The following LUZP2 variants were observed in gnomAD, a reference collection of about 807,000 sequenced individuals.
LUZP2 encodes leucine zipper protein 2.
LUZP2 carries 52 observed loss-of-function variants against 51.6 expected under a neutral mutation model. The observed-to-expected ratio is 1.01, with a 90% CI of 0.81 to 1.27. LUZP2 has a LOEUF of 1.27. Ranked by LOEUF, LUZP2 falls within the 50% of genes most tolerant of loss-of-function variation. The pLI, the probability that LUZP2 is intolerant of heterozygous loss-of-function variation, is 0.00. For synonymous variants in LUZP2, 154 were observed against 137.3 expected, an observed-to-expected ratio of 1.12 and a Z score of -0.85; for missense variants, 436 against 395.4, an observed-to-expected ratio of 1.10 and a Z score of -0.87.
intron 5 of LUZP2, among the ~76,000 whole-genome samples, chr11:24,847,401 C>T (rs1452768445): frequency 6.6e-6 from 1 of 152,104 alleles, no homozygotes; most frequent in Non-Finnish European, 1.5e-5. Context: ...TTACAGTATA[C>T]AGACATTTCG....
chr11:25,074,087 C>T (rs971365204), intron 10 of LUZP2, among the ~76,000 whole-genome samples: 2 of 152,126 alleles, frequency 1.3e-5, no homozygotes, highest in Non-Finnish European at 2.9e-5. Context: ...TATACTACAA[C>T]ATTGGAAATG....
At chr11:24,501,062 A>G (rs1338115572) in intron 1 of LUZP2, among the ~76,000 whole-genome samples, 1 of 152,192 alleles carries the variant, frequency 6.6e-6, no homozygotes, top group Non-Finnish European at 1.5e-5. Flanking sequence ...AAATATTTTG[A>G]GGCAACATGG....
At chr11:24,685,263 A>C (rs1856863822) in intron 1 of LUZP2, among the ~76,000 whole-genome samples, 1 of 152,102 alleles carries the variant, frequency 6.6e-6, no homozygotes, top group African/African-American at 2.4e-5. Flanking sequence ...TTTTCTTTTG[A>C]AAAGCACTTT....
chr11:24,673,540 A>G (rs1856462248), intron 1 of LUZP2, among the ~76,000 whole-genome samples: 1 of 152,186 alleles, frequency 6.6e-6, no homozygotes, highest in Non-Finnish European at 1.5e-5. Context: ...TGTATTTGTA[A>G]TTTAGAAGAC....
At chr11:24,539,856 T>G (rs115940329) in intron 1 of LUZP2, among the ~76,000 whole-genome samples, 2,924 of 152,210 alleles carry the variant, frequency 0.019, 113 homozygotes, top group African/African-American at 0.066. Context: ...TAAATATGTT[T>G]AGAGCTGTAT....
intron 9 of LUZP2, among the ~76,000 whole-genome samples, chr11:25,006,581 T>C (rs551652845): frequency 1.3e-4 from 20 of 152,254 alleles, no homozygotes; most frequent in Non-Finnish European, 2.6e-4. Context: ...GCCACACTAG[T>C]CGCTTTTAAC....
chr11:24,873,129 C>T (rs897672443), intron 5 of LUZP2, among the ~76,000 whole-genome samples: 5 of 152,122 alleles, frequency 3.3e-5, no homozygotes, highest in Non-Finnish European at 7.4e-5. Flanking sequence ...GACTCTAATG[C>T]TTTCAAACCC....
At chr11:24,973,158 G>T (rs970328739) in intron 7 of LUZP2, among the ~76,000 whole-genome samples, 1 of 149,404 alleles carries the variant, frequency 6.7e-6, no homozygotes, top group Non-Finnish European at 1.5e-5. Flanking sequence ...TTTCTTCCTG[G>T]TTCAGTCTTG....
At chr11:24,529,010 C>T (rs1028542574) in intron 1 of LUZP2, among the ~76,000 whole-genome samples, 23 of 150,958 alleles carry the variant, frequency 1.5e-4, no homozygotes, top group South Asian at 4.2e-4. Flanking sequence ...TTAGATTTAG[C>T]GCAAAACCTA....
rs1853316164 is a variant in LUZP2, at chr11:24,902,646, T to TGAGAAATCAGTGTGAGAAGCA, written c.397-3338_397-3318dup. Among the ~76,000 whole-genome samples, 5 of 152,174 alleles carry TGAGAAATCAGTGTGAGAAGCA rather than the reference T, an allele frequency of 3.3e-5. No homozygotes were observed. In the South Asian group the frequency reaches 1.0e-3, roughly 31 times the overall value. On this transcript the variant is annotated intron_variant, in intron 5 of 11. Transcript: ENST00000336930. Reference sequence around the variant, plus strand: ...CAAGTAATTAAGGAATAGTCTATTCTGAGAAATCAGTGTGAGAAGCAGAGA... The same window carrying TGAGAAATCAGTGTGAGAAGCA: ...CAAGTAATTAAGGAATAGTCTATTCTGAGAAATCAGTGTGAGAAGCAGAGAAATCAGTGTGAGAAGCAGAGA...
intron 1 of LUZP2, among the ~76,000 whole-genome samples, chr11:24,631,934 A>G (rs1221236009): frequency 6.6e-6 from 1 of 152,046 alleles, no homozygotes; most frequent in Non-Finnish European, 1.5e-5. Flanking sequence ...AATATAATGT[A>G]CCAATTACCA....
intron 5 of LUZP2, among the ~76,000 whole-genome samples, chr11:24,826,944 C>A (rs534612736): frequency 1.8e-4 from 27 of 151,852 alleles, no homozygotes; most frequent in African/African-American, 6.3e-4. Context: ...CAACACAGAA[C>A]AATTAAAAAC....
intron 1 of LUZP2, among the ~76,000 whole-genome samples, chr11:24,538,751 C>T (rs896294805): frequency 6.6e-6 from 1 of 151,514 alleles, no homozygotes; most frequent in African/African-American, 2.4e-5. Context: ...AAAGCAGAAT[C>T]ACGTAAGTAA....
chr11:24,991,729 C>G (rs958199109), intron 9 of LUZP2, among the ~76,000 whole-genome samples: 11 of 151,986 alleles, frequency 7.2e-5, no homozygotes, highest in African/African-American at 2.7e-4. Flanking sequence ...ACACAAACAT[C>G]TATTATTTTT....
At chr11:24,584,986 A>C (rs1853010397) in intron 1 of LUZP2, among the ~76,000 whole-genome samples, 1 of 152,286 alleles carries the variant, frequency 6.6e-6, no homozygotes, top group East Asian at 1.9e-4. Context: ...TGTGAAGTAG[A>C]TGCTATCATT....
chr11:24,556,293 T>C (rs1382686249), intron 1 of LUZP2, among the ~76,000 whole-genome samples: 2 of 152,186 alleles, frequency 1.3e-5, no homozygotes, highest in Non-Finnish European at 2.9e-5. Context: ...CAATTTTCCA[T>C]TGTGGCATAT....
chr11:24,797,448 A>G (rs1007977872), intron 5 of LUZP2, among the ~76,000 whole-genome samples: 2 of 152,168 alleles, frequency 1.3e-5, no homozygotes, highest in African/African-American at 4.8e-5. Flanking sequence ...CCTAGAAACA[A>G]TTTTGCAAGG....
intron 1 of LUZP2, among the ~76,000 whole-genome samples, chr11:24,673,030 T>C (rs1259685332): frequency 1.3e-5 from 2 of 152,092 alleles, no homozygotes; most frequent in South Asian, 4.1e-4. Context: ...CCTATAAGAA[T>C]CTCACACCTG....
chr11:24,950,811 G>T (rs921613314), intron 7 of LUZP2, among the ~76,000 whole-genome samples: 2 of 151,118 alleles, frequency 1.3e-5, no homozygotes, highest in South Asian at 2.1e-4. Flanking sequence ...ACTTTTTTTT[G>T]AGAAGGAAAT....
Sources: allele counts gnomAD v4.1 joint callset (sites outside exome capture counted in the v4.1 genomes callset), GRCh38; gene constraint gnomAD v4.1.1; transcripts MANE v1.5; gene names NCBI Gene and HGNC (gene_info 2026-07-23, HGNC 2026-07-21).